The following TRPM6 variants were observed in gnomAD, a reference collection of about 807,000 sequenced individuals.
The protein encoded by TRPM6 is channel kinase 2.
TRPM6 carries 111 observed loss-of-function variants against 247.6 expected under a neutral mutation model. The ratio of observed to expected loss-of-function variants is 0.45; its 90% confidence interval spans 0.38 to 0.52. The LOEUF (loss-of-function observed/expected upper bound fraction) is 0.52, where lower values mean the gene tolerates loss of function less well. Among genes scored for constraint, TRPM6 ranks in the 20% least tolerant of loss-of-function variants. TRPM6 has a pLI of 0.00. For synonymous variants in TRPM6, 892 were observed against 853.8 expected (o/e 1.04, Z -0.78); for missense variants, 2,126 against 2,421.5 (o/e 0.88, Z 2.56).
rs150011227 is a variant in TRPM6, at chr9:74,803,247, G to C, written c.1731+547C>G. The stretch of plus-strand genomic sequence containing the variant: ...TTGAGCAAAAGCATTTATTCTCAGA[G>C]TAAAGTGGGACTGGAGGAGTATGAG... On this transcript the variant is annotated intron_variant, in intron 15 of 38. Coordinates refer to ENST00000360774, the MANE Select transcript of TRPM6 (RefSeq NM_017662.5). Among the ~76,000 whole-genome samples the C allele has an allele frequency of 2.6e-5, 4 of 152,024 alleles. No individual in the cohort carries two copies. In the East Asian group the frequency reaches 7.7e-4, roughly 29 times the overall value.
In TRPM6 at chr9:74,761,903, T is replaced by C. The variant is rs944359357; in HGVS notation, c.4673-95A>G. ...GCTGAGAGAATGGGGAGAATGACAA[T>C]GTGGTTAAGAGTCACAGATTTAAAA... On this transcript the variant is annotated intron_variant, in intron 26 of 38. Coordinates refer to ENST00000360774, the MANE Select transcript of TRPM6 (RefSeq NM_017662.5). The C allele has an allele frequency of 1.2e-5, 18 of 1,506,620 alleles. No individual in the cohort carries two copies. The African/African-American group carries it at 1.8e-4, about 15-fold the overall frequency. 93.3% of individuals were successfully genotyped at this position (1,506,620 alleles called of 1,614,324 possible).
chr9:74,811,767 A>G (rs545568240), intron 12 of TRPM6, among the ~76,000 whole-genome samples: 35 of 152,342 alleles, frequency 2.3e-4, no homozygotes, highest in African/African-American at 7.9e-4. Context: ...ATAAATAATT[A>G]CCAGGCAAGG....
intron 31 of TRPM6, 105 bp downstream of exon 31, chr9:74,747,784 T>C: frequency 9.8e-7 from 1 of 1,019,306 alleles, no homozygotes; most frequent in South Asian, 1.4e-5. Flanking sequence ...TGGACAAAAA[T>C]CATAAATACA....
intron 16 of TRPM6, 126 bp from the exon 17 acceptor site, chr9:74,800,608 A>G: frequency 1.5e-6 from 1 of 686,948 alleles, no homozygotes; most frequent in Non-Finnish European, 2.5e-6. Context: ...ATCAATTCAT[A>G]AGGCTTCCTT....
At chr9:74,814,342 C>T (rs577815026) in intron 11 of TRPM6, among the ~76,000 whole-genome samples, 1 of 149,414 alleles carries the variant, frequency 6.7e-6, no homozygotes, top group East Asian at 2.0e-4. Flanking sequence ...TTAATAGGTA[C>T]CAAAAAATAG....
chr9:74,835,007 G>A (rs1048946394), intron 5 of TRPM6, among the ~76,000 whole-genome samples: 12 of 151,934 alleles, frequency 7.9e-5, no homozygotes, highest in African/African-American at 1.7e-4. Flanking sequence ...TTGAGGAATC[G>A]CCACACTGTC....
At chr9:74,819,510 A>G (rs1404101413) in intron 9 of TRPM6, among the ~76,000 whole-genome samples, 1 of 152,164 alleles carries the variant, frequency 6.6e-6, no homozygotes, top group African/African-American at 2.4e-5. Context: ...CCTTGTCTTT[A>G]CCAAATAAAT....
chr9:74,733,158 C>T (rs969692455), intron 36 of TRPM6, among the ~76,000 whole-genome samples: 4 of 151,174 alleles, frequency 2.6e-5, no homozygotes, highest in South Asian at 2.1e-4. Flanking sequence ...GCCGAGATCA[C>T]GCCACTGCAT....
intron 9 of TRPM6, among the ~76,000 whole-genome samples, chr9:74,818,632 C>T (rs1829035044): frequency 1.3e-5 from 2 of 152,200 alleles, no homozygotes; most frequent in South Asian, 4.1e-4. Context: ...TGCATGACTG[C>T]AAATCCCTTA....
At chr9:74,818,845 C>T (rs1049303229) in intron 9 of TRPM6, among the ~76,000 whole-genome samples, 1 of 152,000 alleles carries the variant, frequency 6.6e-6, no homozygotes, top group African/African-American at 2.4e-5. Context: ...CTTCCTCTAG[C>T]CAGAACACTT....
chr9:74,800,621 A>T (rs1828292027), intron 16 of TRPM6, 139 bp from the exon 17 acceptor site: 2 of 254,512 alleles, frequency 7.9e-6, no homozygotes, highest in Non-Finnish European at 1.3e-5. Flanking sequence ...GCTTCCTTTA[A>T]AAAAAAAAAA....
intron 1 of TRPM6, among the ~76,000 whole-genome samples, chr9:74,869,302 C>G (rs1430960313): frequency 6.6e-6 from 1 of 151,852 alleles, no homozygotes; most frequent in Non-Finnish European, 1.5e-5. Flanking sequence ...AACCCCGTCA[C>G]TACTAAAAAT....
intron 11 of TRPM6, among the ~76,000 whole-genome samples, chr9:74,816,380 T>C (rs534044706): frequency 7.5e-6 from 1 of 133,310 alleles, no homozygotes; most frequent in South Asian, 2.4e-4. Flanking sequence ...AAAAATAAAA[T>C]AACATAAATA....
intron 15 of TRPM6, among the ~76,000 whole-genome samples, chr9:74,803,369 C>T (rs1302647481): frequency 6.6e-6 from 1 of 151,482 alleles, no homozygotes; most frequent in Non-Finnish European, 1.5e-5. Flanking sequence ...TTCAAGAAAG[C>T]CTCAAAAAGG....
chr9:74,728,557 T>A (rs995765204), intron 37 of TRPM6, among the ~76,000 whole-genome samples: 10 of 152,212 alleles, frequency 6.6e-5, no homozygotes. Flanking sequence ...CAAGACCTAC[T>A]GTGAAACGCA....
intron 35 of TRPM6, 27 bp from the exon 36 acceptor site, chr9:74,738,639 C>T: frequency 6.2e-7 from 1 of 1,601,722 alleles, no homozygotes. Flanking sequence ...GGCCATTGAT[C>T]CCCCACAATA....
At chr9:74,820,187 T>A in intron 9 of TRPM6, 117 bp downstream of exon 9, 1 of 1,172,266 alleles carries the variant, frequency 8.5e-7, no homozygotes, top group Non-Finnish European at 1.2e-6. Context: ...CAGGCCCCTG[T>A]ATGTTGTTCC....
chr9:74,759,485 T>C (rs1826549841), intron 27 of TRPM6, among the ~76,000 whole-genome samples: 1 of 152,152 alleles, frequency 6.6e-6, no homozygotes, highest in Non-Finnish European at 1.5e-5. Flanking sequence ...ATATCTTCTA[T>C]TATTGTTAAT....
chr9:74,776,252 C>T, intron 23 of TRPM6, 176 bp from the exon 24 acceptor site: 1 of 632,694 alleles, frequency 1.6e-6, no homozygotes, highest in Non-Finnish European at 2.9e-6. Flanking sequence ...TATTAGCTAC[C>T]TTCTACAATG....
Sources: allele counts gnomAD v4.1 joint callset (sites outside exome capture counted in the v4.1 genomes callset), GRCh38; gene constraint gnomAD v4.1.1; transcripts MANE v1.5; gene names NCBI Gene and HGNC (gene_info 2026-07-23, HGNC 2026-07-21).